Variants in ACTR10 observed in about 807,000 individuals in gnomAD.
ACTR10 encodes the protein actin-related protein 10.
In ACTR10, 43 loss-of-function variants were observed where a neutral mutation model predicts 56.2. The ratio of observed to expected loss-of-function variants is 0.77; its 90% CI spans 0.60 to 0.99. The LOEUF is 0.99. ACTR10 is among the 50% of genes least tolerant of loss of function. The pLI, the probability that ACTR10 is intolerant of heterozygous loss-of-function variation, is 0.00. For synonymous variants in ACTR10, 170 were observed against 176.3 expected, an observed-to-expected ratio of 0.96 and a Z score of 0.28; for missense variants, 466 against 507.8, an observed-to-expected ratio of 0.92 and a Z score of 0.79.
chr14:58,206,181 CTT>C (rs938109409), intron 2 of ACTR10, among the ~76,000 whole-genome samples: 1 of 145,558 alleles, frequency 6.9e-6, no homozygotes, highest in Non-Finnish European at 1.5e-5. Context: ...GAGCTTTTAT[CTT>C]TTTTTTTTTT....
intron 5 of ACTR10, among the ~76,000 whole-genome samples, chr14:58,211,932 T>TGTG: frequency 7.0e-6 from 1 of 143,598 alleles, no homozygotes; most frequent in Non-Finnish European, 1.5e-5. Flanking sequence ...AGAGCGAGAC[T>TGTG]CTGTCTCAAA....
At chr14:58,221,145 T>C (rs1889255405) in intron 8 of ACTR10, among the ~76,000 whole-genome samples, 1 of 151,652 alleles carries the variant, frequency 6.6e-6, no homozygotes, top group Admixed American at 6.6e-5. Context: ...TAGCTGGGCG[T>C]GGTGGCACTC....
chr14:58,212,274 C>T (rs1889021968), intron 5 of ACTR10, among the ~76,000 whole-genome samples: 1 of 152,170 alleles, frequency 6.6e-6, no homozygotes, highest in Non-Finnish European at 1.5e-5. Flanking sequence ...GTTTTTATAT[C>T]ATTGACCATA....
At chr14:58,224,503 T>A (rs1355162948) in intron 10 of ACTR10, among the ~76,000 whole-genome samples, 2 of 152,010 alleles carry the variant, frequency 1.3e-5, no homozygotes, top group Non-Finnish European at 2.9e-5. Context: ...CGCCTTGGCC[T>A]CCCAAAGTGC....
rs1252543584 is a variant in ACTR10, at chr14:58,215,215, A to G, written c.529A>G (p.Thr177Ala). 1 of 1,594,752 alleles carries G rather than the reference A, an allele frequency of 6.3e-7. No individual in the cohort carries two copies. The highest frequency in any genetic ancestry group is 8.5e-7 in the Non-Finnish European group (1 of 1,171,682). The change falls in exon 7 of 13, where the codon ACT (threonine) becomes GCT (alanine). Residue 177 changes from threonine (T) to alanine (A), a missense_variant. Coordinates refer to ENST00000254286, the MANE Select transcript of ACTR10 (RefSeq NM_018477.3). ...GGKALHKELETQLLEQCTVDT... is the reference protein window; with the variant it reads ...GGKALHKELEAQLLEQCTVDT... ...TTTTTTTAATTTCAGAGAGTTGGAA[A>G]CTCAACTATTGGAACAATGTACTGT...
chr14:58,215,074 C>A (rs145417993), intron 6 of ACTR10, 131 bp from the exon 7 acceptor site: 12 of 537,984 alleles, frequency 2.2e-5, no homozygotes, highest in African/African-American at 2.1e-4. Flanking sequence ...CCACTTCACT[C>A]CAGCCTGGGC....
rs796097752 is a variant in ACTR10 at position 58,232,572 on chromosome 14, C to T, written c.1072+305C>T. Among the ~76,000 whole-genome samples, 25 of 151,772 alleles carry T rather than the reference C, an allele frequency of 1.6e-4. 1 individual carries two copies. Among genetic ancestry groups the T allele is most frequent in the African/African-American group, 4.6e-4 (19 of 41,420 alleles). On this transcript the variant is annotated intron_variant, in intron 12 of 12. Coordinates refer to ENST00000254286, the MANE Select transcript of ACTR10 (RefSeq NM_018477.3). Reference sequence around the variant, plus strand: ...CTGGGACTGCAGGCGTGCACCACCACGCCCAGCTAATTTTTGTATTTTTAG... The same window carrying T: ...CTGGGACTGCAGGCGTGCACCACCATGCCCAGCTAATTTTTGTATTTTTAG...
At chr14:58,231,375 C>T (rs902453034) in intron 11 of ACTR10, among the ~76,000 whole-genome samples, 2 of 152,136 alleles carry the variant, frequency 1.3e-5, no homozygotes, top group African/African-American at 4.8e-5. Context: ...AGACCAGGGA[C>T]CAGATTTTTA....
chr14:58,200,268 G>T lies in ACTR10; in HGVS notation c.51G>T (p.Val17=). ...GCGGCGGGGAGAAGACGGCGGTCGT[G>T]ATCGACCTGGGAGAGGCCTTTACCA... ...LGSGGEKTAV[V]IDLGEAFTKC... The change falls in exon 1 of 13, where the codon GTG becomes GTT. Residue 17 remains valine (V), a synonymous_variant. Coordinates refer to ENST00000254286, the MANE Select transcript of ACTR10 (RefSeq NM_018477.3). The T allele has an allele frequency of 1.3e-6, 2 of 1,514,812 alleles. No individual in the cohort carries two copies. The highest frequency in any genetic ancestry group is 1.8e-6 in the Non-Finnish European group (2 of 1,135,708). 93.8% of individuals were successfully genotyped at this position (1,514,812 alleles called of 1,614,324 possible).
At position 58,200,284 on chromosome 14, in the gene ACTR10, G is replaced by A; in HGVS notation, c.67G>A (p.Ala23Thr). 1.3e-6 allele frequency: 2 copies of A among 1,507,792 alleles called. No homozygotes were observed. The highest frequency in any genetic ancestry group is 8.8e-7 in the Non-Finnish European group (1 of 1,133,386). The allele number at this position is 1,507,792 out of a possible 1,614,324, so 93.4% of individuals were successfully genotyped here. A position where few individuals can be genotyped will look rare whatever the true frequency, so the allele number is the denominator to read the frequency against. ...KTAVVIDLGE[A>T]FTKCGFAGET... is the part of the protein sequence containing the mutation. The stretch of plus-strand genomic sequence containing the variant: ...GGCGGTCGTGATCGACCTGGGAGAG[G>A]CCTTTACCAAGTGAGTGGCCGTGAC... The change falls in exon 1 of 13, where the codon GCC becomes ACC. Residue 23 changes from alanine (A) to threonine (T), a missense_variant. By Grantham distance (58) the Ala-to-Thr change is moderately conservative. Transcript: ENST00000254286.
At chr14:58,224,141 C>T (rs950549346) in intron 10 of ACTR10, among the ~76,000 whole-genome samples, 6 of 151,990 alleles carry the variant, frequency 3.9e-5, no homozygotes, top group Non-Finnish European at 1.5e-5. Context: ...GCTGGGATTA[C>T]AGGTGCCTGC....
chr14:58,209,496 A>G (rs970109691), intron 4 of ACTR10, among the ~76,000 whole-genome samples: 15 of 152,146 alleles, frequency 9.9e-5, no homozygotes, highest in African/African-American at 3.4e-4. Flanking sequence ...TTTGCAATGT[A>G]TTTCTTCCAG....
chr14:58,220,458 T>C (rs1889235479), intron 8 of ACTR10, among the ~76,000 whole-genome samples: 2 of 152,230 alleles, frequency 1.3e-5, no homozygotes, highest in Admixed American at 6.5e-5. Flanking sequence ...ATTTTTTATG[T>C]GTTTTAATTA....
intron 8 of ACTR10, among the ~76,000 whole-genome samples, chr14:58,221,280 TAAAA>T (rs35943337): frequency 8.3e-5 from 9 of 108,284 alleles, no homozygotes; most frequent in Admixed American, 4.3e-4. Flanking sequence ...AGACTCTGTC[TAAAA>T]AAAAAAAAAA....
chr14:58,221,225 T>C (rs1889257945), intron 8 of ACTR10, among the ~76,000 whole-genome samples: 1 of 148,688 alleles, frequency 6.7e-6, no homozygotes, highest in Non-Finnish European at 1.5e-5. Flanking sequence ...GGAGGTTGCA[T>C]TGAGCCAAGA....
Position 58,209,036 on chromosome 14 carries a change from A to T in ACTR10, c.271A>T (p.Ile91Phe). Residue 91 changes from isoleucine to phenylalanine, a missense_variant, in exon 4 of 13, where the codon ATT becomes TTT. Transcript: ENST00000254286. ...GAATCCCAGAGACCGCCGAGTTGTG[A>T]TTATCGAATCGGTATTATGTCCTTC... ...LVNPRDRRVV[I>F]IESVLCPSHF... is the part of the protein sequence containing the mutation. The T allele has an allele frequency of 6.2e-7, 1 of 1,613,014 alleles. No individual in the cohort carries two copies. The highest frequency in any genetic ancestry group is 8.5e-7 in the Non-Finnish European group (1 of 1,179,468).
At chr14:58,205,363 G>A in intron 2 of ACTR10, among the ~76,000 whole-genome samples, 1 of 140,152 alleles carries the variant, frequency 7.1e-6, no homozygotes, top group Admixed American at 7.7e-5. Flanking sequence ...CGCCCAGGCT[G>A]GAGTGCAGTA....
intron 6 of ACTR10, 24 bp from the exon 7 acceptor site, chr14:58,215,181 G>A: frequency 7.1e-7 from 1 of 1,416,594 alleles, no homozygotes. Context: ...TTTCATTCCA[G>A]TAACTTTTTT....
chr14:58,230,507 T>A (rs373179231), intron 11 of ACTR10, 27 bp downstream of exon 11: 1 of 1,234,198 alleles, frequency 8.1e-7, no homozygotes, highest in Non-Finnish European at 1.1e-6. Flanking sequence ...AAAAATTCCC[T>A]TTATTACCAC....
Sources: gnomAD v4.1 joint callset for allele counts (sites outside exome capture counted in the v4.1 genomes callset) on GRCh38, gnomAD v4.1.1 for gene constraint, MANE v1.5 for transcripts, NCBI Gene and HGNC (gene_info 2026-07-23, HGNC 2026-07-21) for gene names.